The following PLCH1 variants were observed in gnomAD, a reference collection of about 807,000 sequenced individuals.
PLCH1 encodes phospholipase C eta 1, also known as 1-phosphatidylinositol 4,5-bisphosphate phosphodiesterase eta-1.
In PLCH1, 60 loss-of-function variants were observed where a neutral mutation model predicts 126.7. The ratio of observed to expected loss-of-function variants is 0.47; its 90% confidence interval spans 0.38 to 0.59. The LOEUF is 0.59. Among genes scored for constraint, PLCH1 ranks in the 20% least tolerant of loss-of-function variants. The pLI is 0.00. For missense variants in PLCH1, 1,723 were observed against 2,040.0 expected (o/e 0.84, Z 2.99); for synonymous variants, 719 against 734.9 (o/e 0.98, Z 0.35).
At chr3:155,675,141 C>G (rs929008836) in intron 2 of PLCH1, among the ~76,000 whole-genome samples, 2 of 152,166 alleles carry the variant, frequency 1.3e-5, no homozygotes, top group Non-Finnish European at 2.9e-5. Flanking sequence ...GTACTGGGAA[C>G]ATGGCACATT....
At chr3:155,677,950 G>T (rs116611800) in intron 2 of PLCH1, among the ~76,000 whole-genome samples, 1 of 152,054 alleles carries the variant, frequency 6.6e-6, no homozygotes, top group African/African-American at 2.4e-5. Context: ...ACCAAGTAAC[G>T]AATATCTCGT....
At chr3:155,571,882 T>C (rs1468390231) in intron 6 of PLCH1, among the ~76,000 whole-genome samples, 1 of 152,338 alleles carries the variant, frequency 6.6e-6, no homozygotes, top group African/African-American at 2.4e-5. Context: ...TTATGAAATA[T>C]ATGGTGTTTA....
intron 2 of PLCH1, among the ~76,000 whole-genome samples, chr3:155,645,580 G>C (rs570268422): frequency 2.0e-4 from 31 of 152,266 alleles, no homozygotes; most frequent in Middle Eastern, 6.8e-3. Flanking sequence ...AGGCTCAAGC[G>C]ATTGATTCTT....
chr3:155,541,566 A>T (rs1724235732), intron 10 of PLCH1, among the ~76,000 whole-genome samples: 1 of 152,158 alleles, frequency 6.6e-6, no homozygotes, highest in African/African-American at 2.4e-5. Flanking sequence ...GTTAGTACAC[A>T]CACAACACTT....
intron 2 of PLCH1, among the ~76,000 whole-genome samples, chr3:155,634,094 G>A (rs1329425051): frequency 6.6e-6 from 1 of 152,162 alleles, no homozygotes; most frequent in African/African-American, 2.4e-5. Flanking sequence ...CGGGTGCCAA[G>A]AAAACTTGCA....
intron 1 of PLCH1, among the ~76,000 whole-genome samples, chr3:155,706,688 C>T (rs569960022): frequency 1.7e-4 from 26 of 152,034 alleles, no homozygotes; most frequent in African/African-American, 5.8e-4. Context: ...TTCACCTTCC[C>T]TTGAGTATGG....
intron 21 of PLCH1, among the ~76,000 whole-genome samples, chr3:155,467,258 A>G (rs1466649506): frequency 6.6e-6 from 1 of 152,008 alleles, no homozygotes; most frequent in Non-Finnish European, 1.5e-5. Context: ...TCTGACCAAA[A>G]AAAAAAAATA....
intron 2 of PLCH1, among the ~76,000 whole-genome samples, chr3:155,620,794 G>A (rs1217646815): frequency 1.3e-5 from 2 of 152,158 alleles, no homozygotes; most frequent in Admixed American, 6.5e-5. Context: ...CCATCTCCCT[G>A]GGACAGAGCA....
At chr3:155,550,797 A>C (rs1726007679) in intron 9 of PLCH1, among the ~76,000 whole-genome samples, 1 of 152,208 alleles carries the variant, frequency 6.6e-6, no homozygotes, top group Admixed American at 6.5e-5. Context: ...CTAATATATC[A>C]ACATATACCA....
intron 1 of PLCH1, among the ~76,000 whole-genome samples, chr3:155,723,953 C>CAA (rs34436223): frequency 0.031 from 2,486 of 79,626 alleles, 120 homozygotes; most frequent in African/African-American, 0.088. Flanking sequence ...AACTCCATCT[C>CAA]AAAAAAAAAA....
chr3:155,702,336 AT>A (rs5853729), intron 2 of PLCH1, among the ~76,000 whole-genome samples: 60,396 of 151,124 alleles, frequency 0.4, 12,776 homozygotes, highest in African/African-American at 0.53. Context: ...CAGAATGTTA[AT>A]TTTTTTTTTA....
intron 10 of PLCH1, among the ~76,000 whole-genome samples, chr3:155,532,997 A>C (rs925646708): frequency 2.6e-5 from 4 of 152,192 alleles, no homozygotes; most frequent in Admixed American, 6.5e-5. Context: ...AATGGTTTTG[A>C]CCAAAATGCT....
At chr3:155,656,466 T>A (rs1308162371) in intron 2 of PLCH1, among the ~76,000 whole-genome samples, 1 of 152,172 alleles carries the variant, frequency 6.6e-6, no homozygotes, top group East Asian at 1.9e-4. Flanking sequence ...CAGTGAAATT[T>A]TTTCAGGAAT....
In PLCH1 at chr3:155,482,839, T is replaced by G. The variant is rs151009722; in HGVS notation, c.3187A>C (p.Thr1063Pro). The G allele has an allele frequency of 6.2e-7, 1 of 1,614,188 alleles. No individual in the cohort carries two copies. The highest frequency in any genetic ancestry group is 1.3e-5 in the African/African-American group (1 of 75,062). Residue 1063 changes from threonine to proline, a missense_variant, in exon 23 of 23, where the codon ACA becomes CCA. By Grantham distance (38) the Thr-to-Pro change is conservative. Around this residue, in one of 2 missense-constraint regions of PLCH1, gnomAD observed 947 missense variants for 977.1 expected, o/e 0.97. Coordinates refer to ENST00000460012, the MANE Select transcript of PLCH1 (RefSeq NM_014996.4). ...PRGGRTTSNA[T>P]SNCQENPCPS... ...CAGGGGTTTTCCTGGCAATTGCTTG[T>G]GGCATTTGATGTGGTTCTCCCACCC...
At chr3:155,726,745 G>C (rs1384218746) in intron 1 of PLCH1, among the ~76,000 whole-genome samples, 1 of 150,696 alleles carries the variant, frequency 6.6e-6, no homozygotes, top group African/African-American at 2.4e-5. Flanking sequence ...GCCCAGGCTG[G>C]AGTGCAGTGG....
intron 1 of PLCH1, among the ~76,000 whole-genome samples, chr3:155,728,090 C>T (rs1748480372): frequency 3.3e-5 from 5 of 152,192 alleles, no homozygotes; most frequent in Admixed American, 3.3e-4. Flanking sequence ...CTCAACTGAA[C>T]CCTCTTCACT....
In PLCH1 at chr3:155,669,703, T is replaced by C. The variant is rs192676379; in HGVS notation, c.79+34443A>G. On this transcript the variant is annotated intron_variant, in intron 2 of 22. Transcript: ENST00000460012. ...AGAAAATAAGGAAGGTATAATATCATTGAAATTAAGATTAAAACCTCAAAA... is the reference window on the plus strand; with the variant it reads ...AGAAAATAAGGAAGGTATAATATCACTGAAATTAAGATTAAAACCTCAAAA... Among the ~76,000 whole-genome samples, 581 of 152,312 alleles carry C rather than the reference T, an allele frequency of 3.8e-3. 1 individual carries two copies. Among genetic ancestry groups the C allele is most frequent in the Admixed American group, 7.0e-3 (107 of 15,288 alleles).
chr3:155,592,456 C>A (rs1732320940), intron 4 of PLCH1, among the ~76,000 whole-genome samples: 1 of 148,962 alleles, frequency 6.7e-6, no homozygotes, highest in Non-Finnish European at 1.5e-5. Flanking sequence ...GATTGTGCCA[C>A]TGCACTCCAG....
At chr3:155,601,067 C>T (rs961338476) in intron 2 of PLCH1, among the ~76,000 whole-genome samples, 3 of 152,104 alleles carry the variant, frequency 2.0e-5, no homozygotes, top group Non-Finnish European at 4.4e-5. Flanking sequence ...CTCCGCCTCC[C>T]GGGTTCACGC....
Sources: gnomAD v4.1 joint callset for allele counts (sites outside exome capture counted in the v4.1 genomes callset) on GRCh38, gnomAD v4.1.1 for gene constraint, gnomAD v4.1.1 regional missense constraint, MANE v1.5 for transcripts, NCBI Gene and HGNC (gene_info 2026-07-23, HGNC 2026-07-21) for gene names.